The following MBD5 variants were observed in gnomAD, a reference collection of about 807,000 sequenced individuals.
MBD5 encodes methyl-CpG-binding domain protein 5.
A neutral mutation model predicts 117.3 loss-of-function variants in MBD5; 13 were observed. That is an observed-to-expected ratio of 0.11 (90% CI 0.07 to 0.18). MBD5 has a LOEUF of 0.18. Among genes scored for constraint, MBD5 ranks in the 10% least tolerant of loss-of-function variants. MBD5 has a pLI of 1.00. For missense variants in MBD5, 1,879 were observed against 2,093.8 expected, an observed-to-expected ratio of 0.90 and a Z score of 2.00; for synonymous variants, 727 against 766.4, an observed-to-expected ratio of 0.95 and a Z score of 0.85.
intron 3 of MBD5, among the ~76,000 whole-genome samples, chr2:148,330,051 C>CCA (rs1559026362): frequency 3.2e-5 from 1 of 31,168 alleles, no homozygotes; most frequent in African/African-American, 8.7e-5. Flanking sequence ...CCGCCCCCCC[C>CCA]ACACACACAC....
At chr2:148,071,018 AT>A (rs1257206229) in intron 1 of MBD5, 5 of 151,904 alleles carry the variant, frequency 3.3e-5, no homozygotes, top group African/African-American at 1.2e-4. Context: ...TGCCCAGATA[AT>A]TTTTGTATTT....
rs552441179 is a variant in MBD5, at chr2:148,402,965, C to G, written c.-556-55238C>G. The stretch of plus-strand genomic sequence containing the variant: ...TTTATTTTCAGTTTCATTTCTCGCT[C>G]TGTTTCATTTTGGATAGTTTCTATT... On this transcript the variant is annotated intron_variant, in intron 4 of 13. Coordinates refer to ENST00000642680, the MANE Select transcript of MBD5 (RefSeq NM_001378120.1). Among the ~76,000 whole-genome samples the G allele has an allele frequency of 5.9e-5, 9 of 151,842 alleles. No homozygotes were observed. In the South Asian group the frequency reaches 1.7e-3, roughly 28 times the overall value.
chr2:148,487,932 G>A (rs1472185403), intron 10 of MBD5, among the ~76,000 whole-genome samples: 1 of 152,182 alleles, frequency 6.6e-6, no homozygotes, highest in African/African-American at 2.4e-5. Flanking sequence ...GCAGGGGGTC[G>A]GGGGTAGGAT....
chr2:148,423,184 G>A (rs1705665410), intron 4 of MBD5, among the ~76,000 whole-genome samples: 5 of 152,070 alleles, frequency 3.3e-5, no homozygotes, highest in Admixed American at 3.3e-4. Flanking sequence ...CGAGAGAGAA[G>A]GGTCGGGTTA....
intron 1 of MBD5, among the ~76,000 whole-genome samples, chr2:148,128,719 G>A (rs1259847958): frequency 6.6e-6 from 1 of 152,148 alleles, no homozygotes; most frequent in African/African-American, 2.4e-5. Flanking sequence ...CAGAATGCAT[G>A]TATGCATGTG....
chr2:148,280,552 C>G (rs940122803), intron 3 of MBD5, among the ~76,000 whole-genome samples: 6 of 152,160 alleles, frequency 3.9e-5, no homozygotes, highest in Non-Finnish European at 8.8e-5. Flanking sequence ...CCACCTCAGC[C>G]TCCCAAGTAG....
intron 4 of MBD5, among the ~76,000 whole-genome samples, chr2:148,409,841 T>C (rs1472750689): frequency 6.6e-6 from 1 of 152,198 alleles, no homozygotes; most frequent in African/African-American, 2.4e-5. Context: ...TTTTCTTCAC[T>C]TGACAGTATG....
At chr2:148,446,107 C>A (rs888371654) in intron 4 of MBD5, among the ~76,000 whole-genome samples, 11 of 149,294 alleles carry the variant, frequency 7.4e-5, no homozygotes, top group Non-Finnish European at 1.3e-4. Flanking sequence ...ATGGTAGTTT[C>A]TTTTGCTGTG....
Position 148,227,859 on chromosome 2 carries a change from T to G in MBD5, c.-830-5386T>G, listed in dbSNP as rs1574162357. 2.6e-5 allele frequency among the ~76,000 whole-genome samples: 4 copies of G among 152,328 alleles called. No homozygotes were observed. In the East Asian group the frequency reaches 5.8e-4, roughly 22 times the overall value. ...CTTGTAAGTTGGATTCCTAGGTATT[T>G]TATTCTCTTTGAAGCAATTATGAAT... is the stretch of plus-strand genomic sequence containing the variant. On this transcript the variant is annotated intron_variant, in intron 2 of 13. Transcript: ENST00000642680.
chr2:148,311,519 C>CT (rs565382334), intron 3 of MBD5, among the ~76,000 whole-genome samples: 37 of 152,220 alleles, frequency 2.4e-4, no homozygotes, highest in African/African-American at 8.4e-4. Flanking sequence ...TCCTCCATCC[C>CT]TTTATTTTGA....
intron 12 of MBD5, among the ~76,000 whole-genome samples, chr2:148,508,318 A>C (rs1682106689): frequency 6.6e-6 from 1 of 152,202 alleles, no homozygotes; most frequent in South Asian, 2.1e-4. Flanking sequence ...AGAAGGAATG[A>C]ATAGATTATA....
chr2:148,404,692 T>C (rs936376674), intron 4 of MBD5, among the ~76,000 whole-genome samples: 4 of 152,194 alleles, frequency 2.6e-5, no homozygotes, highest in African/African-American at 7.2e-5. Context: ...GGACTGCGCC[T>C]TCATTGCCTG....
chr2:148,254,507 G>A (rs747824695), intron 3 of MBD5, among the ~76,000 whole-genome samples: 1 of 152,114 alleles, frequency 6.6e-6, no homozygotes, highest in African/African-American at 2.4e-5. Flanking sequence ...CCACCAGGGG[G>A]CTCATCACAA....
intron 8 of MBD5, among the ~76,000 whole-genome samples, chr2:148,481,330 CAAG>C (rs1427037377): frequency 1.3e-5 from 2 of 151,924 alleles, no homozygotes; most frequent in African/African-American, 2.4e-5. Flanking sequence ...TAGGTGAAAA[CAAG>C]AAGAATATAA....
chr2:148,090,862 T>G (rs1318484900), intron 1 of MBD5, among the ~76,000 whole-genome samples: 2 of 151,888 alleles, frequency 1.3e-5, no homozygotes, highest in East Asian at 1.9e-4. Flanking sequence ...GAGAAAGAAA[T>G]AAAGGGCATC....
chr2:148,394,229 G>A (rs1229329754), intron 4 of MBD5, among the ~76,000 whole-genome samples: 2 of 152,034 alleles, frequency 1.3e-5, no homozygotes, highest in Non-Finnish European at 2.9e-5. Context: ...AACTTGAGTA[G>A]CTTTTGCTCT....
At chr2:148,142,813 T>G (rs1697351145) in intron 1 of MBD5, among the ~76,000 whole-genome samples, 1 of 152,254 alleles carries the variant, frequency 6.6e-6, no homozygotes, top group East Asian at 1.9e-4. Flanking sequence ...GATACCCAGA[T>G]AGCAGTGGTG....
chr2:148,204,252 A>T lies in MBD5; in HGVS notation c.-831+25459A>T, dbSNP rs544296782. Among the ~76,000 whole-genome samples the T allele has an allele frequency of 7.2e-5, 11 of 152,216 alleles. No individual in the cohort carries two copies. In the East Asian group the frequency reaches 1.9e-3, roughly 27 times the overall value. On this transcript the variant is annotated intron_variant, in intron 2 of 13. Coordinates refer to ENST00000642680, the MANE Select transcript of MBD5 (RefSeq NM_001378120.1). ...ATATGAAATTGGAAGGAGCACAAGA[A>T]AGGCTAGACATCATGGAAAGCACCT...
chr2:148,051,286 C>A (rs188837442), intron 1 of MBD5, among the ~76,000 whole-genome samples: 1 of 151,696 alleles, frequency 6.6e-6, no homozygotes, highest in Admixed American at 6.6e-5. Context: ...TGCATTTTTG[C>A]AGACCTTATT....
Sources: allele counts gnomAD v4.1 joint callset (sites outside exome capture counted in the v4.1 genomes callset), GRCh38; gene constraint gnomAD v4.1.1; transcripts MANE v1.5; gene names NCBI Gene and HGNC (gene_info 2026-07-23, HGNC 2026-07-21).